The following DNAH2 variants were observed in gnomAD, a reference collection of about 807,000 sequenced individuals.
DNAH2 encodes axonemal beta dynein heavy chain 2.
A neutral mutation model predicts 523.5 loss-of-function variants in DNAH2; 323 were observed. The observed-to-expected ratio is 0.62, with a 90% CI of 0.56 to 0.68. DNAH2 has a LOEUF of 0.68. DNAH2 is among the 30% of genes least tolerant of loss of function. The pLI is 0.00. For missense variants in DNAH2, 4,907 were observed against 5,701.5 expected, an observed-to-expected ratio of 0.86 and a Z score of 4.49; for synonymous variants, 2,093 against 2,177.4, an observed-to-expected ratio of 0.96 and a Z score of 1.08.
In DNAH2 at chr17:7,830,467, T is replaced by C. The variant is rs2078138914; in HGVS notation, c.12021T>C (p.Tyr4007=). 11 of 1,614,104 alleles carry C rather than the reference T, an allele frequency of 6.8e-6. No homozygotes were observed. Among genetic ancestry groups the C allele is most frequent in the Non-Finnish European group, 9.3e-6 (11 of 1,180,044 alleles). ...TGCAGCTTGGCTGGAACATCATCTA[T>C]GGCTTCAATGACTCCGACTTTGAGG... is the stretch of plus-strand genomic sequence containing the variant. ...KFLQLGWNII[Y]GFNDSDFEVS... is the part of the protein sequence containing the mutation. Residue 4007 remains tyrosine (Y), a synonymous_variant, in exon 78 of 86, where the codon TAT becomes TAC. Transcript: ENST00000572933.
At chr17:7,792,573 A>C in intron 46 of DNAH2, 84 bp from the exon 47 acceptor site, 1 of 1,215,982 alleles carries the variant, frequency 8.2e-7, no homozygotes, top group Non-Finnish European at 1.2e-6. Context: ...CTGATGAGAC[A>C]GTGGTGACGT....
In DNAH2 at chr17:7,745,342, G is replaced by T. The variant is rs373804443; in HGVS notation, c.1904+2200G>T. Among the ~76,000 whole-genome samples, 5 of 152,136 alleles carry T rather than the reference G, an allele frequency of 3.3e-5. No individual in the cohort carries two copies. The South Asian group carries it at 8.3e-4, about 25-fold the overall frequency. On this transcript the variant is annotated intron_variant, in intron 12 of 85. Coordinates refer to ENST00000572933, the MANE Select transcript of DNAH2 (RefSeq NM_020877.5). ...AGAGAAAACAAAAGTTGAGACAAGA[G>T]GTAAAGAAATGCTGTGTGTGTGTAG...
chr17:7,790,941 AAGCAATACTCCCACCTC>A (rs2076879359), intron 44 of DNAH2, among the ~76,000 whole-genome samples: 1 of 152,156 alleles, frequency 6.6e-6, no homozygotes, highest in Admixed American at 6.5e-5. Flanking sequence ...TCCTGGCCTC[AAGCAATACTCCCACCTC>A]AGCTTCCCAA....
rs148024366 is a variant in DNAH2 at position 7,817,881 on chromosome 17, GCC to G, written c.10236+32_10236+33del. 161 of 1,612,640 alleles carry G rather than the reference GCC, an allele frequency of 1.0e-4. 5 individuals are homozygous for G. In the South Asian group the frequency reaches 1.7e-3, roughly 17 times the overall value. On this transcript the variant is annotated intron_variant, in intron 67 of 85. Coordinates refer to ENST00000572933, the MANE Select transcript of DNAH2 (RefSeq NM_020877.5). The stretch of plus-strand genomic sequence containing the variant: ...GGTGTGAGGCTGGGGGGTCAGGTTA[GCC>G]CCCCCCTTCCTGAGGCCCCACCTCT...
chr17:7,730,725 C>T (rs972263335), intron 4 of DNAH2, among the ~76,000 whole-genome samples: 5 of 151,736 alleles, frequency 3.3e-5, no homozygotes, highest in South Asian at 2.1e-4. Flanking sequence ...CGCTTGAACC[C>T]GGGAGGCGGA....
chr17:7,808,826 T>C (rs1597729344), intron 63 of DNAH2, among the ~76,000 whole-genome samples: 1 of 152,210 alleles, frequency 6.6e-6, no homozygotes, highest in East Asian at 1.9e-4. Context: ...GCCAGGCTGG[T>C]CTCAAACTCC....
chr17:7,824,345 G>A (rs1012252164), intron 76 of DNAH2, 41 bp downstream of exon 76: 2 of 1,492,278 alleles, frequency 1.3e-6, no homozygotes, highest in Middle Eastern at 2.4e-4. Context: ...CTTCAGCCCA[G>A]TCCTTGTCCC....
At chr17:7,777,658 C>A in intron 33 of DNAH2, 24 bp downstream of exon 33, 8 of 1,612,904 alleles carry the variant, frequency 5.0e-6, no homozygotes, top group Non-Finnish European at 6.8e-6. Flanking sequence ...CACCTCCCCA[C>A]TCTCTTACCG....
At position 7,819,049 on chromosome 17, in the gene DNAH2, G is replaced by T. The variant is rs769756849; in HGVS notation, c.10801G>T (p.Asp3601Tyr). The change falls in exon 71 of 86, where the codon GAC becomes TAC. Residue 3601 changes from aspartate to tyrosine, a missense_variant. Asp to Tyr is a radical substitution (Grantham distance 160). Transcript: ENST00000572933. Reference sequence around the variant, plus strand: ...CAGTGAGACCACAGAGATCAACACTGACTTGGCGCGGGAGGTAAGCTCCCG... The same window carrying T: ...CAGTGAGACCACAGAGATCAACACTTACTTGGCGCGGGAGGTAAGCTCCCG... ...ETSETTEINT[D>Y]LAREAYRPCA... is the part of the protein sequence containing the mutation. The T allele has an allele frequency of 6.2e-7, 1 of 1,605,598 alleles. No homozygotes were observed. Among genetic ancestry groups the T allele is most frequent in the South Asian group, 1.1e-5 (1 of 90,814 alleles).
Position 7,818,472 on chromosome 17 carries a change from C to T in DNAH2, c.10536+12C>T, listed in dbSNP as rs1172692839. 1 of 1,613,814 alleles carries T rather than the reference C, an allele frequency of 6.2e-7. No individual in the cohort carries two copies. Among genetic ancestry groups the T allele is most frequent in the Non-Finnish European group, 8.5e-7 (1 of 1,179,910 alleles). On this transcript the variant is annotated intron_variant, in intron 69 of 85. Coordinates refer to ENST00000572933, the MANE Select transcript of DNAH2 (RefSeq NM_020877.5). ...CTGTTAAAGAACAGGTGGGTACAGG[C>T]TGAGGTCCAGACTGAGCTAGGGTGA...
At chr17:7,741,303 T>TTCCTTCCCTCCCTCCC (rs1477805088) in intron 11 of DNAH2, among the ~76,000 whole-genome samples, 793 of 76,860 alleles carry the variant, frequency 0.01, 46 homozygotes, top group East Asian at 0.053. Context: ...TCTTCCTTCC[T>TTCCTTCCCTCCCTCCC]TCCCTCCCTC....
Position 7,792,815 on chromosome 17 carries a change from C to T in DNAH2, c.7304C>T (p.Ser2435Phe). 1 of 1,614,180 alleles carries T rather than the reference C, an allele frequency of 6.2e-7. No individual in the cohort carries two copies. The highest frequency in any genetic ancestry group is 8.5e-7 in the Non-Finnish European group (1 of 1,180,022). ...CAGAGCGTTCTGCAGTCCCTGCCCT[C>T]CAGCCAGTGGTCGGTGCTCGTTGTC... ...IAQSVLQSLP[S>F]SQWSVLVVNM... Residue 2435 changes from serine to phenylalanine, a missense_variant, in exon 47 of 86, where the codon TCC (serine) becomes TTC (phenylalanine). This residue lies in a region of DNAH2 where 2,806 missense variants were observed against 3,190.8 expected (regional missense o/e 0.88). Coordinates refer to ENST00000572933, the MANE Select transcript of DNAH2 (RefSeq NM_020877.5).
At chr17:7,818,813 T>C (rs1567752235) in intron 70 of DNAH2, 37 bp downstream of exon 70, 1 of 1,612,746 alleles carries the variant, frequency 6.2e-7, no homozygotes, top group Non-Finnish European at 8.5e-7. Flanking sequence ...GCCCCACGGG[T>C]CTACTCCCAG....
At position 7,819,073 on chromosome 17, in the gene DNAH2, C is replaced by G. The variant is rs765854295; in HGVS notation, c.10815+10C>G. 3 of 1,601,828 alleles carry G rather than the reference C, an allele frequency of 1.9e-6. No homozygotes were observed. ...TGACTTGGCGCGGGAGGTAAGCTCC[C>G]GGCCCTCCAGTCCTGCCTCCCACCA... On this transcript the variant is annotated intron_variant, in intron 71 of 85. Coordinates refer to ENST00000572933, the MANE Select transcript of DNAH2 (RefSeq NM_020877.5).
chr17:7,778,066 G>A lies in DNAH2; in HGVS notation c.5248-11G>A. 1.2e-6 allele frequency: 2 copies of A among 1,610,236 alleles called. No homozygotes were observed. Among genetic ancestry groups the A allele is most frequent in the Non-Finnish European group, 1.7e-6 (2 of 1,176,436 alleles). On this transcript the variant is annotated splice_polypyrimidine_tract_variant and intron_variant, in intron 33 of 85. Coordinates refer to ENST00000572933, the MANE Select transcript of DNAH2 (RefSeq NM_020877.5). ...GCCCACCTCTCTCTTTTTCTGCGCT[G>A]TTTTCCCCAGGATCTTGATGACTGT...
Position 7,792,243 on chromosome 17 carries a change from C to A in DNAH2, c.7054-9C>A, listed in dbSNP as rs754852617. On this transcript the variant is annotated splice_polypyrimidine_tract_variant and intron_variant, in intron 45 of 85. Transcript: ENST00000572933. ...GGCTTTGGTAACCTGACCTACATGC[C>A]CTCCTTAGGACACGGTATATGAGTA... The A allele has an allele frequency of 2.5e-6, 4 of 1,613,412 alleles. No individual in the cohort carries two copies. Among genetic ancestry groups the A allele is most frequent in the Admixed American group, 3.3e-5 (2 of 59,972 alleles).
At chr17:7,741,236 C>CTCTCTCTCTTTCTTTCTTTCTT (rs1555540638) in intron 11 of DNAH2, among the ~76,000 whole-genome samples, 1 of 85,596 alleles carries the variant, frequency 1.2e-5, no homozygotes, top group African/African-American at 4.2e-5. Flanking sequence ...TTTTCTCTCT[C>CTCTCTCTCTTTCTTTCTTTCTT]TCTTTCTTTC....
intron 21 of DNAH2, among the ~76,000 whole-genome samples, chr17:7,765,985 G>A (rs2076155960): frequency 6.6e-6 from 1 of 151,972 alleles, no homozygotes; most frequent in Admixed American, 6.6e-5. Context: ...TACCATGTTG[G>A]CGAGGATGGT....
rs570613759 is a variant in DNAH2, at chr17:7,822,081, G to A, written c.11142+712G>A. On this transcript the variant is annotated intron_variant, in intron 73 of 85. Transcript: ENST00000572933. ...GACCTCCCAGGCTCAAGCCATCCTCGCATCTTAGCCTCTGGAGTAGCTGGG... is the reference window on the plus strand; with the variant it reads ...GACCTCCCAGGCTCAAGCCATCCTCACATCTTAGCCTCTGGAGTAGCTGGG... Among the ~76,000 whole-genome samples the A allele has an allele frequency of 1.6e-4, 24 of 152,192 alleles. 1 individual carries two copies. The Middle Eastern group carries it at 0.01, about 65-fold the overall frequency.
Sources: gnomAD v4.1 joint callset for allele counts (sites outside exome capture counted in the v4.1 genomes callset) on GRCh38, gnomAD v4.1.1 for gene constraint, gnomAD v4.1.1 regional missense constraint, MANE v1.5 for transcripts, NCBI Gene and HGNC (gene_info 2026-07-23, HGNC 2026-07-21) for gene names.